STX8: variants seen among roughly 807,000 people sequenced by gnomAD.
STX8 encodes the protein syntaxin-8.
Under a neutral mutation model 37.5 loss-of-function variants are expected in STX8, and 23 were observed. That is an observed-to-expected ratio of 0.61 (90% CI 0.44 to 0.87). The LOEUF (loss-of-function observed/expected upper bound fraction) is 0.87, where lower values mean the gene tolerates loss of function less well. Among genes scored for constraint, STX8 ranks in the 40% least tolerant of loss-of-function variants. The pLI, the probability that STX8 is intolerant of heterozygous loss-of-function variation, is 0.00. For missense variants in STX8, 313 were observed against 284.7 expected, an observed-to-expected ratio of 1.10 and a Z score of -0.71; for synonymous variants, 115 against 99.1, an observed-to-expected ratio of 1.16 and a Z score of -0.95.
At chr17:9,469,284 T>C (rs2142434146) in intron 6 of STX8, 1 of 152,240 alleles carries the variant, frequency 6.6e-6, no homozygotes, top group East Asian at 1.9e-4. Context: ...TAAAGCCAGC[T>C]CATTAGATAT....
At chr17:9,409,359 T>A (rs954547384) in intron 6 of STX8, among the ~76,000 whole-genome samples, 3 of 152,158 alleles carry the variant, frequency 2.0e-5, no homozygotes, top group African/African-American at 7.2e-5. Flanking sequence ...CTGGCAACTA[T>A]GTATCTTCTG....
Position 9,443,482 on chromosome 17 carries a change from T to C in STX8, c.541+48347A>G, listed in dbSNP as rs114025690. On this transcript the variant is annotated intron_variant, in intron 6 of 7. Coordinates refer to ENST00000306357, the MANE Select transcript of STX8 (RefSeq NM_004853.3). ...GTGGTATGATATTGGAGGGTACCAC[T>C]AAGCTCACCTAATAACTGCTTCTTA... 2.7e-3 allele frequency among the ~76,000 whole-genome samples: 407 copies of C among 152,254 alleles called. 1 individual carries two copies. The highest frequency in any genetic ancestry group is 0.017 in the Middle Eastern group (5 of 294).
chr17:9,348,662 A>C (rs1910608033), intron 7 of STX8, among the ~76,000 whole-genome samples: 1 of 152,202 alleles, frequency 6.6e-6, no homozygotes, highest in Non-Finnish European at 1.5e-5. Context: ...CAGTCCCTGC[A>C]CTCAGGAAGC....
intron 7 of STX8, among the ~76,000 whole-genome samples, chr17:9,333,669 G>A (rs898195314): frequency 8.5e-5 from 13 of 152,236 alleles, no homozygotes; most frequent in South Asian, 4.1e-4. Context: ...GATTACAGGC[G>A]TGAGCCACGG....
chr17:9,261,510 C>T (rs1457868001), intron 7 of STX8, among the ~76,000 whole-genome samples: 4 of 152,142 alleles, frequency 2.6e-5, no homozygotes, highest in Admixed American at 6.5e-5. Flanking sequence ...AACACAAACA[C>T]GAAACTCTGC....
intron 7 of STX8, among the ~76,000 whole-genome samples, chr17:9,269,902 A>C (rs1051244583): frequency 1.3e-5 from 2 of 151,996 alleles, no homozygotes; most frequent in African/African-American, 4.8e-5. Context: ...CCTCAGGGAC[A>C]CCTCCTCCCC....
intron 4 of STX8, among the ~76,000 whole-genome samples, chr17:9,516,310 TATA>T (rs1905157792): frequency 1.1e-5 from 1 of 89,624 alleles, no homozygotes; most frequent in Non-Finnish European, 2.2e-5. Context: ...TATATATATA[TATA>T]TATATATATA....
chr17:9,341,138 G>A (rs1451380829), intron 7 of STX8, among the ~76,000 whole-genome samples: 1 of 151,848 alleles, frequency 6.6e-6, no homozygotes, highest in Non-Finnish European at 1.5e-5. Flanking sequence ...AATTTCACAT[G>A]GAAATGGAGG....
Position 9,378,633 on chromosome 17 carries a change from TG to T in STX8, c.561del (p.Asn188ThrfsTer2), listed in dbSNP as rs750805466. 15 of 1,613,694 alleles carry T rather than the reference TG, an allele frequency of 9.3e-6. No individual in the cohort carries two copies. The South Asian group carries it at 1.5e-4, about 17-fold the overall frequency. ...DEQNEIIDDL[A>X]NLVENTDEKL... ...TTTTCATCTGTGTTCTCCACTAGGT[TG>T]GCAAGGTCGTCAATTATCTCTAGAA... is the stretch of plus-strand genomic sequence containing the variant. On this transcript the variant is annotated frameshift_variant, in exon 7 of 8. Coordinates refer to ENST00000306357, the MANE Select transcript of STX8 (RefSeq NM_004853.3). LOFTEE classifies it high-confidence loss of function.
intron 7 of STX8, among the ~76,000 whole-genome samples, chr17:9,327,156 T>G (rs1597606333): frequency 8.3e-6 from 1 of 120,744 alleles, no homozygotes; most frequent in Admixed American, 9.9e-5. Context: ...AAACTCTGTC[T>G]CAAAAAAAAA....
chr17:9,378,678 C>T (rs1911687186), intron 6 of STX8, 25 bp from the exon 7 acceptor site: 1 of 1,565,060 alleles, frequency 6.4e-7, no homozygotes, highest in Non-Finnish European at 8.8e-7. Context: ...TACATGATTA[C>T]TATTCCTGAA....
chr17:9,377,568 C>T (rs1196997451), intron 7 of STX8, among the ~76,000 whole-genome samples: 2 of 152,170 alleles, frequency 1.3e-5, no homozygotes, highest in East Asian at 3.9e-4. Flanking sequence ...AGCAATTCTC[C>T]CTCTTCAGCC....
chr17:9,458,399 T>G (rs1407612512), intron 6 of STX8, among the ~76,000 whole-genome samples: 1 of 151,356 alleles, frequency 6.6e-6, no homozygotes, highest in Non-Finnish European at 1.5e-5. Flanking sequence ...TCCGCCCGCC[T>G]TGGCCTCCCA....
chr17:9,386,111 A>AG (rs2142295441), intron 6 of STX8, among the ~76,000 whole-genome samples: 1 of 151,536 alleles, frequency 6.6e-6, no homozygotes, highest in East Asian at 1.9e-4. Context: ...TCTCAAAAAA[A>AG]AAAAAAAAAA....
chr17:9,521,121 A>G (rs1270581196), intron 4 of STX8, among the ~76,000 whole-genome samples: 3 of 152,236 alleles, frequency 2.0e-5, no homozygotes, highest in Non-Finnish European at 2.9e-5. Context: ...AATTAGAAAT[A>G]GATTCTTTGA....
intron 6 of STX8, among the ~76,000 whole-genome samples, chr17:9,489,452 C>T (rs963540634): frequency 7.2e-5 from 11 of 152,176 alleles, no homozygotes; most frequent in African/African-American, 1.9e-4. Context: ...GACAAAGAAA[C>T]GGTGCTTTCA....
intron 4 of STX8, among the ~76,000 whole-genome samples, chr17:9,536,019 G>A (rs1350848651): frequency 6.6e-6 from 1 of 152,140 alleles, no homozygotes; most frequent in African/African-American, 2.4e-5. Flanking sequence ...AAAGATGGAG[G>A]GAGATAATAT....
At chr17:9,403,655 T>A (rs2142323043) in intron 6 of STX8, among the ~76,000 whole-genome samples, 1 of 152,188 alleles carries the variant, frequency 6.6e-6, no homozygotes, top group Middle Eastern at 3.4e-3. Context: ...TTTTTTTTAT[T>A]TTTTCCCCTG....
intron 6 of STX8, among the ~76,000 whole-genome samples, chr17:9,487,392 A>ACTG (rs1906645334): frequency 6.6e-6 from 1 of 152,102 alleles, no homozygotes; most frequent in South Asian, 2.1e-4. Flanking sequence ...CACAATAAAA[A>ACTG]TCCAGATGGG....
Sources: gnomAD v4.1 joint callset for allele counts (sites outside exome capture counted in the v4.1 genomes callset) on GRCh38, gnomAD v4.1.1 for gene constraint, MANE v1.5 for transcripts, NCBI Gene and HGNC (gene_info 2026-07-23, HGNC 2026-07-21) for gene names.